Variants in ADGB observed in about 807,000 individuals in gnomAD.
The protein encoded by ADGB is androglobin.
A neutral mutation model predicts 210.5 loss-of-function variants in ADGB; 172 were observed. That is an observed-to-expected ratio of 0.82 (90% CI 0.72 to 0.93). The LOEUF is 0.93. Among genes scored for constraint, ADGB ranks in the 40% least tolerant of loss-of-function variants. The probability of loss-of-function intolerance (pLI) is 0.00; values close to 1 mark genes in which losing one functional copy is unlikely to be tolerated. For synonymous variants in ADGB, 658 were observed against 662.7 expected (o/e 0.99, Z 0.11); for missense variants, 2,025 against 1,964.8 (o/e 1.03, Z -0.58).
At position 146,752,616 on chromosome 6, in the gene ADGB, T is replaced by C. The variant is rs1304667399; in HGVS notation, c.3452T>C (p.Leu1151Pro). Residue 1151 changes from leucine to proline, a missense_variant, in exon 27 of 36, where the codon CTA becomes CCA. Coordinates refer to ENST00000397944, the MANE Select transcript of ADGB (RefSeq NM_024694.4). ...KPDAFIKLQV[L>P]ENEETMVSST... ...GATGCATTCATCAAGCTGCAGGTCC[T>C]AGAAAATGAAGAAACTATGGTGAGC... 3 of 1,550,936 alleles carry C rather than the reference T, an allele frequency of 1.9e-6. No homozygotes were observed. The highest frequency in any genetic ancestry group is 2.6e-6 in the Non-Finnish European group (3 of 1,146,482).
intron 33 of ADGB, among the ~76,000 whole-genome samples, chr6:146,791,808 G>A (rs914345119): frequency 6.6e-6 from 1 of 151,928 alleles, no homozygotes; most frequent in Non-Finnish European, 1.5e-5. Context: ...ACCCGAACTG[G>A]AGTTCAGTGG....
intron 33 of ADGB, among the ~76,000 whole-genome samples, chr6:146,794,271 TA>T (rs1484107751): frequency 6.6e-6 from 1 of 152,096 alleles, no homozygotes; most frequent in Non-Finnish European, 1.5e-5. Flanking sequence ...TTGTGTATGT[TA>T]AAAAGGTTGT....
At chr6:146,643,690 G>T (rs966278294) in intron 2 of ADGB, among the ~76,000 whole-genome samples, 2 of 151,816 alleles carry the variant, frequency 1.3e-5, no homozygotes, top group Non-Finnish European at 2.9e-5. Flanking sequence ...CCAGATAAAT[G>T]GAAACTTATG....
At chr6:146,666,347 G>T (rs1583581136) in intron 6 of ADGB, among the ~76,000 whole-genome samples, 1 of 151,928 alleles carries the variant, frequency 6.6e-6, no homozygotes, top group African/African-American at 2.4e-5. Flanking sequence ...AGATGTTTCT[G>T]GTTTCTCCAC....
At chr6:146,767,889 T>G (rs1388504722) in intron 28 of ADGB, among the ~76,000 whole-genome samples, 1 of 145,860 alleles carries the variant, frequency 6.9e-6, no homozygotes, top group Non-Finnish European at 1.6e-5. Flanking sequence ...TTAATCACAA[T>G]GCTGTTCTGC....
At chr6:146,783,738 T>C (rs1394920193) in intron 30 of ADGB, among the ~76,000 whole-genome samples, 1 of 152,164 alleles carries the variant, frequency 6.6e-6, no homozygotes, top group Non-Finnish European at 1.5e-5. Context: ...ATAATTGACA[T>C]AGCCTCGACC....
At chr6:146,801,336 A>C in intron 34 of ADGB, 57 bp downstream of exon 34, 1 of 1,072,136 alleles carries the variant, frequency 9.3e-7, no homozygotes, top group Non-Finnish European at 1.3e-6. Flanking sequence ...TAAATCGATT[A>C]TTAAAATACT....
chr6:146,775,247 G>C (rs1460943805), intron 29 of ADGB, among the ~76,000 whole-genome samples: 3 of 151,978 alleles, frequency 2.0e-5, no homozygotes, highest in African/African-American at 7.3e-5. Context: ...AATACAATAT[G>C]TAATTTGTGG....
At chr6:146,744,996 A>AT (rs1469749736) in intron 25 of ADGB, among the ~76,000 whole-genome samples, 5 of 152,026 alleles carry the variant, frequency 3.3e-5, no homozygotes, top group Non-Finnish European at 5.9e-5. Context: ...TTTATTATAC[A>AT]TTTTTTTTAC....
At chr6:146,690,148 C>A (rs140652815) in intron 10 of ADGB, among the ~76,000 whole-genome samples, 2 of 152,242 alleles carry the variant, frequency 1.3e-5, no homozygotes, top group East Asian at 1.9e-4. Context: ...TACCTCGGGG[C>A]AGATTGAGCT....
chr6:146,787,382 G>T (rs1437596116), intron 32 of ADGB, among the ~76,000 whole-genome samples: 1 of 152,084 alleles, frequency 6.6e-6, no homozygotes, highest in Non-Finnish European at 1.5e-5. Context: ...GCCTATTCTT[G>T]AACTTCAATT....
chr6:146,681,709 A>T (rs1776160478), intron 9 of ADGB, among the ~76,000 whole-genome samples: 1 of 152,166 alleles, frequency 6.6e-6, no homozygotes, highest in African/African-American at 2.4e-5. Flanking sequence ...AACTTGTATT[A>T]AGAAATTATG....
rs1460410676 is a variant in ADGB at position 146,659,967 on chromosome 6, A to G, written c.612+2987A>G. 2.6e-5 allele frequency among the ~76,000 whole-genome samples: 4 copies of G among 152,286 alleles called. No individual in the cohort carries two copies. The East Asian group carries it at 7.7e-4, about 29-fold the overall frequency. On this transcript the variant is annotated intron_variant, in intron 5 of 35. Transcript: ENST00000397944. ...CCAATAATTTTTCCCAGTTGCCATC[A>G]ATATGTTTATATAAAAATGCATTTG... is the stretch of plus-strand genomic sequence containing the variant.
At chr6:146,766,924 A>G (rs777344492) in intron 28 of ADGB, among the ~76,000 whole-genome samples, 11 of 152,204 alleles carry the variant, frequency 7.2e-5, no homozygotes, top group East Asian at 1.9e-4. Context: ...TGGAAAATCT[A>G]TCAGTATTAG....
intron 13 of ADGB, among the ~76,000 whole-genome samples, chr6:146,711,304 C>CTATCCAT (rs1473186550): frequency 6.6e-6 from 1 of 152,138 alleles, no homozygotes; most frequent in East Asian, 1.9e-4. Flanking sequence ...TATAACCTCT[C>CTATCCAT]TATCCATCAT....
Position 146,726,227 on chromosome 6 carries a change from A to T in ADGB, c.2352+30A>T, listed in dbSNP as rs377544817. The T allele has an allele frequency of 7.4e-4, 1,058 of 1,422,850 alleles. 2 individuals are homozygous for T. Among genetic ancestry groups the T allele is most frequent in the Non-Finnish European group, 9.1e-4 (937 of 1,031,450 alleles). 88.1% of individuals were successfully genotyped at this position (1,422,850 alleles called of 1,614,324 possible). ...GTATTTTTGCAACAGCAAGTTATTT[A>T]TTTATTTATTTAGAGATGGAGTCTC... On this transcript the variant is annotated intron_variant, in intron 19 of 35. Coordinates refer to ENST00000397944, the MANE Select transcript of ADGB (RefSeq NM_024694.4).
rs377316632 is a variant in ADGB at position 146,782,036 on chromosome 6, C to T, written c.3879C>T (p.His1293=). Residue 1293 remains histidine (H), a synonymous_variant, in exon 30 of 36, where the codon CAC becomes CAT. Transcript: ENST00000397944. ...TCTCTCTAGCTTATGGTGAAAGACA[C>T]GAGGAGTTAATTAACTTAGGAAGCC... The part of the protein sequence containing the change: ...KSNTKAYGER[H]EELINLGSPD... 2.7e-5 allele frequency: 41 copies of T among 1,495,728 alleles called. No homozygotes were observed. The highest frequency in any genetic ancestry group is 3.3e-5 in the Non-Finnish European group (37 of 1,127,670). 92.7% of individuals were successfully genotyped at this position (1,495,728 alleles called of 1,614,324 possible). A position where few individuals can be genotyped will look rare whatever the true frequency, so the allele number is the denominator to read the frequency against.
intron 5 of ADGB, among the ~76,000 whole-genome samples, chr6:146,657,586 T>C (rs1583577684): frequency 6.6e-6 from 1 of 152,194 alleles, no homozygotes; most frequent in African/African-American, 2.4e-5. Context: ...TAGATGCTGG[T>C]CCTGCCACTG....
intron 7 of ADGB, among the ~76,000 whole-genome samples, chr6:146,669,977 A>T (rs1775985836): frequency 6.6e-6 from 1 of 152,114 alleles, no homozygotes; most frequent in South Asian, 2.1e-4. Context: ...AAAGAAAAAA[A>T]CTAGAAGTCA....
Sources: allele counts gnomAD v4.1 joint callset (sites outside exome capture counted in the v4.1 genomes callset), GRCh38; gene constraint gnomAD v4.1.1; transcripts MANE v1.5; gene names NCBI Gene and HGNC (gene_info 2026-07-23, HGNC 2026-07-21).